ZSCAN4: variants seen among roughly 807,000 people sequenced by gnomAD.
The protein encoded by ZSCAN4 is zinc finger and SCAN domain-containing protein 4.
ZSCAN4 carries 18 observed loss-of-function variants against 18.3 expected under a neutral mutation model. The observed-to-expected ratio is 0.98, with a 90% CI of 0.68 to 1.46. The LOEUF (loss-of-function observed/expected upper bound fraction) is 1.46, where lower values mean the gene tolerates loss of function less well. ZSCAN4 is among the 40% of genes most tolerant of loss of function. ZSCAN4 has a pLI of 0.00. For synonymous variants in ZSCAN4, 193 were observed against 180.3 expected, an observed-to-expected ratio of 1.07 and a Z score of -0.57; for missense variants, 498 against 511.4, an observed-to-expected ratio of 0.97 and a Z score of 0.25.
the ZSCAN4 span, among the ~76,000 whole-genome samples, chr19:57,659,250 T>C: frequency 6.6e-6 from 1 of 152,210 alleles, no homozygotes; most frequent in Admixed American, 6.5e-5. Flanking sequence ...ATCAGCCGAA[T>C]AACATGGGTG....
Position 57,678,673 on chromosome 19 carries a change from T to TGC in ZSCAN4, c.1071_1072dup (p.His358ArgfsTer4), listed in dbSNP as rs1378398493. 3 of 1,614,122 alleles carry TGC rather than the reference T, an allele frequency of 1.9e-6. No homozygotes were observed. The highest frequency in any genetic ancestry group is 2.5e-6 in the Non-Finnish European group (3 of 1,180,030). On this transcript the variant is annotated frameshift_variant, in exon 5 of 5. Transcript: ENST00000318203. LOFTEE classifies it low-confidence loss of function (END_TRUNC). Reference sequence around the variant, plus strand: ...TTCTTCCAGATATCAGACCTACGGGTGCATCAGATAATTCACACAGGAAAG... The same window carrying TGC: ...TTCTTCCAGATATCAGACCTACGGGTGCGCATCAGATAATTCACACAGGAAAG...
At chr19:57,673,158 C>T (rs1406332769) in intron 2 of ZSCAN4, among the ~76,000 whole-genome samples, 2 of 146,484 alleles carry the variant, frequency 1.4e-5, no homozygotes, top group African/African-American at 5.0e-5. Context: ...AAGCGATTCT[C>T]CTGCCTCAGC....
the ZSCAN4 span, among the ~76,000 whole-genome samples, chr19:57,653,431 C>G: frequency 2.6e-4 from 39 of 149,362 alleles, no homozygotes; most frequent in Admixed American, 8.6e-4. Flanking sequence ...TGCTCTTTTT[C>G]TTTCTCGCCT....
chr19:57,678,633 G>A (rs780652384), exon 5 of ZSCAN4: 18 of 1,613,974 alleles, frequency 1.1e-5, no homozygotes, highest in African/African-American at 4.0e-5. Context: ...TGTTTGTCCC[G>A]AGTGTCAAAA....
chr19:57,678,425 T>C, exon 5 of ZSCAN4: 1 of 1,614,114 alleles, frequency 6.2e-7, no homozygotes, highest in Non-Finnish European at 8.5e-7. Context: ...GAGCAGGGTG[T>C]ATCTCTCAAC....
At chr19:57,673,746 G>GATT (rs1279287152) in intron 2 of ZSCAN4, among the ~76,000 whole-genome samples, 141 of 152,054 alleles carry the variant, frequency 9.3e-4, no homozygotes, top group African/African-American at 2.5e-3. Context: ...TGATGATGAT[G>GATT]ATGATTATTA....
chr19:57,674,653 A>G (rs572278614), intron 2 of ZSCAN4, among the ~76,000 whole-genome samples: 1 of 152,184 alleles, frequency 6.6e-6, no homozygotes, highest in African/African-American at 2.4e-5. Flanking sequence ...GTCTTTTTTT[A>G]TATAATGATT....
chr19:57,674,862 G>A (rs1033988063), intron 2 of ZSCAN4, among the ~76,000 whole-genome samples: 4 of 151,808 alleles, frequency 2.6e-5, no homozygotes, highest in Admixed American at 6.6e-5. Flanking sequence ...TGGTTAGGGA[G>A]CAATCCAATG....
chr19:57,678,798 C>G, exon 5 of ZSCAN4: 1 of 1,614,150 alleles, frequency 6.2e-7, no homozygotes, highest in South Asian at 1.1e-5. Flanking sequence ...TTATACATGT[C>G]CCTTTTGTAA....
At chr19:57,678,787 C>T in exon 5 of ZSCAN4, 1 of 1,614,160 alleles carries the variant, frequency 6.2e-7, no homozygotes, top group Non-Finnish European at 8.5e-7. Context: ...GGAGAAAAGC[C>T]TTATACATGT....
upstream of ZSCAN4, among the ~76,000 whole-genome samples, chr19:57,668,036 G>A (rs1983906642): frequency 6.6e-6 from 1 of 151,914 alleles, no homozygotes; most frequent in Non-Finnish European, 1.5e-5. Flanking sequence ...CGAGTACTTG[G>A]GATTACAGGT....
At chr19:57,674,238 T>G (rs1984111202) in intron 2 of ZSCAN4, among the ~76,000 whole-genome samples, 1 of 152,226 alleles carries the variant, frequency 6.6e-6, no homozygotes, top group Non-Finnish European at 1.5e-5. Flanking sequence ...ATTCTGCATA[T>G]TGGTGGAAAT....
the ZSCAN4 span, among the ~76,000 whole-genome samples, chr19:57,654,083 A>G: frequency 6.6e-6 from 1 of 152,274 alleles, no homozygotes; most frequent in South Asian, 2.1e-4. Flanking sequence ...GTTCTACCAG[A>G]ATATTCTGGA....
At chr19:57,666,390 C>T (rs79655520), upstream of ZSCAN4, among the ~76,000 whole-genome samples, 25,608 of 151,998 alleles carry the variant, frequency 0.17, 2,223 homozygotes, top group East Asian at 0.25. Context: ...GTGGTGCGGT[C>T]CAAGTGCGGC....
At chr19:57,657,684 G>A in the ZSCAN4 span, among the ~76,000 whole-genome samples, 2 of 152,074 alleles carry the variant, frequency 1.3e-5, no homozygotes, top group Admixed American at 6.6e-5. Flanking sequence ...TATCCATGGG[G>A]GACTGATTCC....
At chr19:57,663,520 T>TA in the ZSCAN4 span, among the ~76,000 whole-genome samples, 99 of 66,574 alleles carry the variant, frequency 1.5e-3, 3 homozygotes, top group African/African-American at 2.9e-3. Context: ...ACCATGTCTC[T>TA]AAAAAAAAAA....
the ZSCAN4 span, among the ~76,000 whole-genome samples, chr19:57,662,646 C>T: frequency 2.0e-5 from 3 of 152,160 alleles, no homozygotes; most frequent in Admixed American, 6.5e-5. Context: ...ACTGCAGCCT[C>T]CTCCTCCTGG....
At chr19:57,657,506 C>T in the ZSCAN4 span, among the ~76,000 whole-genome samples, 1 of 152,164 alleles carries the variant, frequency 6.6e-6, no homozygotes, top group East Asian at 1.9e-4. Flanking sequence ...TAAACTGGAG[C>T]TCTCATACAT....
the ZSCAN4 span, among the ~76,000 whole-genome samples, chr19:57,654,127 G>A: frequency 2.0e-5 from 3 of 152,146 alleles, no homozygotes; most frequent in Admixed American, 6.5e-5. Context: ...TATTTTAGGA[G>A]TTGATGGAAT....
Sources: gnomAD v4.1 joint callset for allele counts (sites outside exome capture counted in the v4.1 genomes callset) on GRCh38, gnomAD v4.1.1 for gene constraint, MANE v1.5 for transcripts, NCBI Gene and HGNC (gene_info 2026-07-23, HGNC 2026-07-21) for gene names.